SYT13: variants seen among roughly 807,000 people sequenced by gnomAD.
The protein encoded by SYT13 is synaptotagmin 13, also known as synaptotagmin-13.
SYT13 carries 21 observed loss-of-function variants against 38.6 expected under a neutral mutation model. The observed-to-expected ratio is 0.54, with a 90% CI of 0.39 to 0.78. SYT13 has a LOEUF of 0.78. Ranked by LOEUF, SYT13 falls within the 30% of genes least tolerant of loss-of-function variation. The probability of loss-of-function intolerance (pLI) is 0.00; values close to 1 mark genes in which losing one functional copy is unlikely to be tolerated. For missense variants in SYT13, 495 were observed against 548.7 expected (o/e 0.90, Z 0.98); for synonymous variants, 241 against 237.6 (o/e 1.01, Z -0.13).
intron 1 of SYT13, among the ~76,000 whole-genome samples, chr11:45,265,526 G>A (rs1854871289): frequency 6.6e-6 from 1 of 152,214 alleles, no homozygotes; most frequent in Non-Finnish European, 1.5e-5. Context: ...CACAGTTCTA[G>A]AGGCTGGAAG....
chr11:45,255,544 G>T, intron 2 of SYT13, 122 bp downstream of exon 2: 4 of 898,680 alleles, frequency 4.5e-6, no homozygotes, highest in Non-Finnish European at 5.0e-6. Context: ...CCATCTGCTT[G>T]GCCAGCGTCA....
intron 1 of SYT13, among the ~76,000 whole-genome samples, chr11:45,271,390 A>G (rs1404864247): frequency 3.9e-5 from 6 of 152,176 alleles, no homozygotes; most frequent in Non-Finnish European, 7.3e-5. Flanking sequence ...AGGGGCTTCA[A>G]TGCAGCATTC....
At chr11:45,275,025 C>A (rs1346658000) in intron 1 of SYT13, among the ~76,000 whole-genome samples, 2 of 152,100 alleles carry the variant, frequency 1.3e-5, no homozygotes, top group Admixed American at 1.3e-4. Flanking sequence ...TGATATATCA[C>A]TAAAGGCAAG....
intron 4 of SYT13, among the ~76,000 whole-genome samples, chr11:45,251,445 G>A (rs1218560004): frequency 2.1e-5 from 3 of 145,450 alleles, no homozygotes; most frequent in Non-Finnish European, 4.5e-5. Flanking sequence ...TTTTGCTTTA[G>A]CATGAGGGTT....
rs116352829 is a variant in SYT13, at chr11:45,244,167, G to A, written c.1166C>T (p.Ala389Val). The A allele has an allele frequency of 4.2e-4, 674 of 1,613,970 alleles. 3 individuals are homozygous for A. The African/African-American group carries it at 7.5e-3, about 18-fold the overall frequency. Residue 389 changes from alanine to valine, a missense_variant, in exon 6 of 6, where the codon GCG becomes GTG. Ala to Val is a moderately conservative substitution (Grantham distance 64). Coordinates refer to ENST00000020926, the MANE Select transcript of SYT13 (RefSeq NM_020826.3). Reference protein sequence around the residue: ...LGQDDSGQSCALGHCSLGLHT... With the variant: ...LGQDDSGQSCVLGHCSLGLHT... ...CAGGCCCAGGCTGCAGTGGCCAAGC[G>A]CACAGCTCTGCCCTGAATCGTCCTG...
intron 1 of SYT13, among the ~76,000 whole-genome samples, chr11:45,274,919 ACTCT>A (rs1168618458): frequency 6.6e-6 from 1 of 151,774 alleles, no homozygotes; most frequent in African/African-American, 2.4e-5. Flanking sequence ...GATTTAAAAA[ACTCT>A]CTCTAACGTT....
chr11:45,263,050 C>T (rs978440081), intron 1 of SYT13, among the ~76,000 whole-genome samples: 1 of 152,138 alleles, frequency 6.6e-6, no homozygotes, highest in Non-Finnish European at 1.5e-5. Context: ...CTCTCTCCTC[C>T]CAGGCCCTGC....
chr11:45,284,201 C>T (rs1855107965), intron 1 of SYT13, among the ~76,000 whole-genome samples: 1 of 152,154 alleles, frequency 6.6e-6, no homozygotes, highest in Non-Finnish European at 1.5e-5. Context: ...GAGGCAGGCA[C>T]CTTCCATGTT....
chr11:45,250,376 T>A (rs1306874485), intron 4 of SYT13, among the ~76,000 whole-genome samples: 1 of 152,238 alleles, frequency 6.6e-6, no homozygotes, highest in East Asian at 1.9e-4. Context: ...GCCTGGCACA[T>A]GGTAGAAACT....
chr11:45,285,823 T>G, intron 1 of SYT13: 1 of 738,676 alleles, frequency 1.4e-6, no homozygotes, highest in South Asian at 1.5e-5. Flanking sequence ...CTCCTTCAGG[T>G]CTCGTCTCCC....
intron 1 of SYT13, among the ~76,000 whole-genome samples, chr11:45,281,973 G>T (rs1182542034): frequency 6.6e-6 from 1 of 152,196 alleles, no homozygotes; most frequent in Non-Finnish European, 1.5e-5. Context: ...AATTCTTTAG[G>T]TTGGGCGAAA....
At chr11:45,269,564 G>C in intron 1 of SYT13, 2 of 937,694 alleles carry the variant, frequency 2.1e-6, no homozygotes, top group Non-Finnish European at 2.9e-6. Flanking sequence ...CTATAGATAA[G>C]TGCCTAATAT....
At position 45,265,547 on chromosome 11, in the gene SYT13, A is replaced by G. The variant is rs111765597; in HGVS notation, c.184-9656T>C. On this transcript the variant is annotated intron_variant, in intron 1 of 5. Coordinates refer to ENST00000020926, the MANE Select transcript of SYT13 (RefSeq NM_020826.3). ...TCTAGAGGCTGGAAGTCCAAGATCAATGAGCTGGTGAATCTGGTATCTGGG... is the reference window on the plus strand; with the variant it reads ...TCTAGAGGCTGGAAGTCCAAGATCAGTGAGCTGGTGAATCTGGTATCTGGG... Among the ~76,000 whole-genome samples the G allele has an allele frequency of 2.6e-4, 39 of 152,350 alleles. 1 individual carries two copies. Among genetic ancestry groups the G allele is most frequent in the Admixed American group, 7.8e-4 (12 of 15,310 alleles).
intron 5 of SYT13, 54 bp downstream of exon 5, chr11:45,246,329 C>T (rs1590506274): frequency 1.3e-6 from 2 of 1,598,842 alleles, no homozygotes; most frequent in Admixed American, 3.4e-5. Flanking sequence ...CCTCCCTCAG[C>T]ACACACTCCC....
At chr11:45,263,765 C>G (rs1308289366) in intron 1 of SYT13, among the ~76,000 whole-genome samples, 4 of 152,222 alleles carry the variant, frequency 2.6e-5, no homozygotes, top group African/African-American at 9.7e-5. Context: ...TATTCAGGCT[C>G]TAAAACAAGA....
intron 1 of SYT13, among the ~76,000 whole-genome samples, chr11:45,281,011 A>G (rs1855064655): frequency 1.3e-5 from 2 of 152,184 alleles, no homozygotes; most frequent in African/African-American, 2.4e-5. Flanking sequence ...CCTGGCCAAC[A>G]TGGTGAAACC....
In SYT13 at chr11:45,255,806, G is replaced by A. The variant is rs201913474; in HGVS notation, c.269C>T (p.Thr90Met). 32 of 1,614,190 alleles carry A rather than the reference G, an allele frequency of 2.0e-5. 1 individual carries two copies. The highest frequency in any genetic ancestry group is 1.3e-4 in the African/African-American group (10 of 75,046). ...TGCATAGTTGATGACCTCTGGAGCC[G>A]TCACAGCTGGCCTGGGTCCATAGAT... The part of the protein sequence containing the change: ...PDIYGPRPAV[T>M]APEVINYADY... Residue 90 changes from threonine to methionine, a missense_variant, in exon 2 of 6, where the codon ACG becomes ATG. Thr to Met is a moderately conservative substitution (Grantham distance 81, BLOSUM62 -1). Transcript: ENST00000020926.
At chr11:45,264,205 C>T (rs1481254752) in intron 1 of SYT13, among the ~76,000 whole-genome samples, 1 of 152,194 alleles carries the variant, frequency 6.6e-6, no homozygotes, top group African/African-American at 2.4e-5. Context: ...CAAGCATTCT[C>T]ACATCAGAGC....
intron 1 of SYT13, among the ~76,000 whole-genome samples, chr11:45,269,683 C>T (rs976975185): frequency 6.6e-6 from 1 of 152,192 alleles, no homozygotes; most frequent in Non-Finnish European, 1.5e-5. Context: ...TCCAAGCTCA[C>T]ATAGCTAATA....
Sources: allele counts gnomAD v4.1 joint callset (sites outside exome capture counted in the v4.1 genomes callset), GRCh38; gene constraint gnomAD v4.1.1; transcripts MANE v1.5; gene names NCBI Gene and HGNC (gene_info 2026-07-23, HGNC 2026-07-21).